Variants in FUT8 observed in about 807,000 individuals in gnomAD.
FUT8 encodes the protein fucosyltransferase 8, also known as alpha-(1,6)-fucosyltransferase.
A neutral mutation model predicts 71.3 loss-of-function variants in FUT8; 29 were observed. The observed-to-expected ratio is 0.41, with a 90% CI of 0.30 to 0.55. The LOEUF is 0.55. Among genes scored for constraint, FUT8 ranks in the 20% least tolerant of loss-of-function variants. FUT8 has a pLI of 0.34. For synonymous variants in FUT8, 254 were observed against 239.3 expected, an observed-to-expected ratio of 1.06 and a Z score of -0.57; for missense variants, 544 against 702.1, an observed-to-expected ratio of 0.77 and a Z score of 2.55.
Position 65,509,297 on chromosome 14 carries a change from G to T in FUT8, c.-227-52040G>T, listed in dbSNP as rs529526015. On this transcript the variant is annotated intron_variant, in intron 2 of 10. Transcript: ENST00000673929. Reference sequence around the variant, plus strand: ...GTTCTGTGTGCCTGTTTTTATGCCAGTACCATGTTGTTTTGTTTATTATAG... The same window carrying T: ...GTTCTGTGTGCCTGTTTTTATGCCATTACCATGTTGTTTTGTTTATTATAG... Among the ~76,000 whole-genome samples, 15 of 152,136 alleles carry T rather than the reference G, an allele frequency of 9.9e-5. No individual in the cohort carries two copies. In the South Asian group the frequency reaches 1.0e-3, roughly 11 times the overall value.
At chr14:65,670,872 C>G (rs1422207940) in intron 7 of FUT8, among the ~76,000 whole-genome samples, 1 of 152,046 alleles carries the variant, frequency 6.6e-6, no homozygotes. Context: ...GTTTTAGAAG[C>G]CTTATTTTAT....
chr14:65,562,213 C>T (rs534610521), intron 3 of FUT8, among the ~76,000 whole-genome samples: 1 of 151,978 alleles, frequency 6.6e-6, no homozygotes, highest in Non-Finnish European at 1.5e-5. Flanking sequence ...TATATACTTA[C>T]ATTTCATTTA....
In FUT8 at chr14:65,742,240, G is replaced by A; in HGVS notation, c.1558G>A (p.Glu520Lys). ...TGCTCACCAACCCCGAACTGCAGAT[G>A]AAATTCCCATGGAACCTGGAGATAT... ...IYAHQPRTAD[E>K]IPMEPGDIIG... is the part of the protein sequence containing the mutation. The change falls in exon 11 of 11, where the codon GAA becomes AAA. Residue 520 changes from glutamate to lysine, a missense_variant. By Grantham distance (56) the Glu-to-Lys change is moderately conservative. Transcript: ENST00000673929. The A allele has an allele frequency of 6.2e-7, 1 of 1,613,104 alleles. No individual in the cohort carries two copies. Among genetic ancestry groups the A allele is most frequent in the Non-Finnish European group, 8.5e-7 (1 of 1,179,406 alleles).
chr14:65,389,186 A>T, the FUT8 span, among the ~76,000 whole-genome samples: 8 of 150,504 alleles, frequency 5.3e-5, no homozygotes, highest in African/African-American at 9.7e-5. Flanking sequence ...TATATATAAA[A>T]AAATTATTTT....
the FUT8 span, among the ~76,000 whole-genome samples, chr14:65,379,770 T>A: frequency 6.6e-6 from 1 of 152,164 alleles, no homozygotes; most frequent in Admixed American, 6.5e-5. Context: ...TCGAAATTTA[T>A]TTCTCATAGT....
chr14:65,619,652 T>A (rs1381733525), intron 5 of FUT8, among the ~76,000 whole-genome samples: 2 of 152,190 alleles, frequency 1.3e-5, no homozygotes, highest in Non-Finnish European at 2.9e-5. Flanking sequence ...ACAGGCTGTT[T>A]TAAGAATTTA....
intron 6 of FUT8, among the ~76,000 whole-genome samples, chr14:65,655,222 C>G (rs1357342137): frequency 6.6e-6 from 1 of 151,536 alleles, no homozygotes; most frequent in Admixed American, 6.6e-5. Flanking sequence ...GCCTGTAATC[C>G]CAGCACTTTG....
chr14:65,446,347 A>G (rs995720232), intron 1 of FUT8, among the ~76,000 whole-genome samples: 1 of 152,132 alleles, frequency 6.6e-6, no homozygotes, highest in African/African-American at 2.4e-5. Flanking sequence ...ATTAGGTGTG[A>G]TCCCTTTGGC....
chr14:65,464,961 T>C (rs759136605), intron 2 of FUT8, among the ~76,000 whole-genome samples: 29 of 152,228 alleles, frequency 1.9e-4, no homozygotes, highest in Admixed American at 6.5e-4. Context: ...TGGTGCTTTC[T>C]GTTTTGGAAG....
chr14:65,376,715 A>G, the FUT8 span, among the ~76,000 whole-genome samples: 1 of 152,142 alleles, frequency 6.6e-6, no homozygotes, highest in African/African-American at 2.4e-5. Context: ...CCCTGCTCAC[A>G]GTTATTAAAA....
intron 7 of FUT8, among the ~76,000 whole-genome samples, chr14:65,692,364 C>T (rs1893673301): frequency 6.9e-6 from 1 of 145,698 alleles, no homozygotes; most frequent in Admixed American, 6.8e-5. Context: ...GGGGCTGACC[C>T]CCCCACCTCC....
rs953024530 is a variant in FUT8, at chr14:65,660,456, T to G, written c.598-8787T>G. Among the ~76,000 whole-genome samples the G allele has an allele frequency of 6.6e-6, 1 of 152,206 alleles. No individual in the cohort carries two copies. The highest frequency in any genetic ancestry group is 1.5e-5 in the Non-Finnish European group (1 of 68,016). On this transcript the variant is annotated intron_variant, in intron 6 of 10. Transcript: ENST00000673929. This position sits in a 1 kb window ranked among gnomAD's most constrained non-coding sequence, Gnocchi z 4.1. ...TAAGCTTTCCTCTTCTATGACCATA[T>G]AGTAACTATCTGCCTTTGCTGCAGT... is the stretch of plus-strand genomic sequence containing the variant.
chr14:65,716,931 C>A (rs1256428421), intron 7 of FUT8, among the ~76,000 whole-genome samples: 1 of 134,062 alleles, frequency 7.5e-6, no homozygotes, highest in Non-Finnish European at 1.6e-5. Context: ...ATGGGGCGGC[C>A]GGGCAGAGGC....
intron 2 of FUT8, among the ~76,000 whole-genome samples, chr14:65,512,623 TA>T (rs957222506): frequency 1.6e-4 from 25 of 152,226 alleles, no homozygotes; most frequent in Non-Finnish European, 1.5e-4. Flanking sequence ...GAAATTGTGA[TA>T]TTTTTGCCGG....
intron 7 of FUT8, among the ~76,000 whole-genome samples, chr14:65,710,499 T>C (rs1666111274): frequency 1.3e-5 from 2 of 152,236 alleles, no homozygotes; most frequent in South Asian, 2.1e-4. Flanking sequence ...TTTTGTTCTA[T>C]GCCAATTTTC....
intron 2 of FUT8, among the ~76,000 whole-genome samples, chr14:65,474,309 T>A (rs532653241): frequency 1.3e-5 from 2 of 148,458 alleles, no homozygotes; most frequent in African/African-American, 2.5e-5. Flanking sequence ...AAAAGATATT[T>A]AAAAAAAAAG....
intron 3 of FUT8, among the ~76,000 whole-genome samples, chr14:65,611,209 GCGCGCGCGCGCGCGCACACACA>G (rs1888905488): frequency 4.9e-4 from 3 of 6,094 alleles, no homozygotes; most frequent in African/African-American, 7.7e-4. Context: ...GCGCGCGCGC[GCGCGCGCGCGCGCGCACACACA>G]CACACACACA....
chr14:65,527,555 T>C (rs959741924), intron 2 of FUT8, among the ~76,000 whole-genome samples: 3 of 152,202 alleles, frequency 2.0e-5, no homozygotes, highest in African/African-American at 4.8e-5. Context: ...AAGCCTCTTA[T>C]CTCAACTCAT....
chr14:65,604,085 C>G (rs1045570863), intron 3 of FUT8, among the ~76,000 whole-genome samples: 11 of 151,718 alleles, frequency 7.3e-5, no homozygotes, highest in African/African-American at 2.4e-4. Context: ...ACACCTAACA[C>G]TAGCGCTCCC....
Sources: allele counts gnomAD v4.1 joint callset (sites outside exome capture counted in the v4.1 genomes callset), GRCh38; gene constraint gnomAD v4.1.1; non-coding constraint Gnocchi (gnomAD v3.1); transcripts MANE v1.5; gene names NCBI Gene and HGNC (gene_info 2026-07-23, HGNC 2026-07-21).